GPC5: variants seen among roughly 807,000 people sequenced by gnomAD.
GPC5 encodes the protein glypican 5, also known as glypican-5.
A neutral mutation model predicts 53.9 loss-of-function variants in GPC5; 47 were observed. The observed-to-expected ratio is 0.87, with a 90% CI of 0.69 to 1.11. The LOEUF (loss-of-function observed/expected upper bound fraction) is 1.11, where lower values mean the gene tolerates loss of function less well. GPC5 is among the 50% of genes most tolerant of loss of function. The pLI is 0.00. For missense variants in GPC5, 748 were observed against 713.1 expected (o/e 1.05, Z -0.56); for synonymous variants, 286 against 263.3 (o/e 1.09, Z -0.84).
At chr13:91,860,191 T>C (rs564411291) in intron 5 of GPC5, among the ~76,000 whole-genome samples, 4 of 152,284 alleles carry the variant, frequency 2.6e-5, no homozygotes, top group African/African-American at 9.6e-5. Flanking sequence ...TAATTTTGAA[T>C]CTTTTAAAAA....
chr13:92,530,438 A>G (rs1256726044), intron 7 of GPC5, among the ~76,000 whole-genome samples: 1 of 152,178 alleles, frequency 6.6e-6, no homozygotes, highest in Non-Finnish European at 1.5e-5. Flanking sequence ...GAGGCAAGAA[A>G]AAAGAGAAAA....
At chr13:91,459,182 C>A (rs975219452) in intron 2 of GPC5, among the ~76,000 whole-genome samples, 3 of 151,708 alleles carry the variant, frequency 2.0e-5, no homozygotes. Context: ...AACCAAACTC[C>A]TCCACCTGTA....
At chr13:92,191,080 A>G (rs1298209150) in intron 7 of GPC5, among the ~76,000 whole-genome samples, 1 of 152,144 alleles carries the variant, frequency 6.6e-6, no homozygotes, top group African/African-American at 2.4e-5. Context: ...TTAATTTCAG[A>G]CAGAGTGAGC....
At chr13:91,791,782 C>G (rs532149660) in intron 5 of GPC5, among the ~76,000 whole-genome samples, 56 of 152,274 alleles carry the variant, frequency 3.7e-4, no homozygotes, top group African/African-American at 1.3e-3. Flanking sequence ...TCCAGCATCT[C>G]TCTCTCTAGA....
At chr13:92,466,032 G>T (rs1399191998) in intron 7 of GPC5, among the ~76,000 whole-genome samples, 2 of 151,932 alleles carry the variant, frequency 1.3e-5, no homozygotes, top group Non-Finnish European at 2.9e-5. Context: ...TTTCAAAATT[G>T]CTAGAAGAGG....
intron 7 of GPC5, among the ~76,000 whole-genome samples, chr13:92,509,322 G>C (rs949264160): frequency 6.6e-6 from 1 of 151,916 alleles, no homozygotes; most frequent in African/African-American, 2.4e-5. Flanking sequence ...GACCCTTTAA[G>C]CATCACATAA....
chr13:91,604,403 T>C (rs1263284299), intron 2 of GPC5, among the ~76,000 whole-genome samples: 2,276 of 151,212 alleles, frequency 0.015, 57 homozygotes, highest in African/African-American at 0.053. Context: ...AATAATGCCG[T>C]AATAAACATA....
intron 7 of GPC5, among the ~76,000 whole-genome samples, chr13:92,485,211 A>G (rs964052541): frequency 1.3e-5 from 2 of 152,174 alleles, no homozygotes; most frequent in African/African-American, 4.8e-5. Flanking sequence ...AATTTTTGTA[A>G]TTTGTTTTTA....
chr13:92,358,465 C>A (rs1027299983), intron 7 of GPC5, among the ~76,000 whole-genome samples: 8 of 151,688 alleles, frequency 5.3e-5, no homozygotes, highest in African/African-American at 2.0e-4. Flanking sequence ...TCTAGTAGGC[C>A]GTGCCCCAGT....
At chr13:91,555,253 C>T (rs916838397) in intron 2 of GPC5, among the ~76,000 whole-genome samples, 11 of 151,952 alleles carry the variant, frequency 7.2e-5, no homozygotes, top group Non-Finnish European at 1.5e-4. Context: ...GGACACTATA[C>T]GTATGCAAAA....
At chr13:91,621,055 T>TA (rs2033841276) in intron 2 of GPC5, among the ~76,000 whole-genome samples, 1 of 152,128 alleles carries the variant, frequency 6.6e-6, no homozygotes, top group African/African-American at 2.4e-5. Context: ...GCAACAACTG[T>TA]AAGGGGGTCC....
rs1053527077 is a variant in GPC5, at chr13:92,559,969, G to A, written c.1562-306313G>A. Among the ~76,000 whole-genome samples, 7 of 151,220 alleles carry A rather than the reference G, an allele frequency of 4.6e-5. No homozygotes were observed. In the East Asian group the frequency reaches 6.0e-4, roughly 13 times the overall value. ...AGCATTAATTTCAAAAATGCAAGCA[G>A]AAGAGGCTCTGGATTCATTTGTTTT... On this transcript the variant is annotated intron_variant, in intron 7 of 7. Coordinates refer to ENST00000377067, the MANE Select transcript of GPC5 (RefSeq NM_004466.6).
chr13:92,468,834 G>C (rs971184516), intron 7 of GPC5, among the ~76,000 whole-genome samples: 27 of 152,016 alleles, frequency 1.8e-4, no homozygotes, highest in Non-Finnish European at 1.6e-4. Flanking sequence ...GTGTCATCCT[G>C]TACCCATTCC....
At chr13:91,859,034 CTTTT>C (rs57168055) in intron 5 of GPC5, among the ~76,000 whole-genome samples, 26,476 of 140,650 alleles carry the variant, frequency 0.19, 2,590 homozygotes, top group East Asian at 0.31. Flanking sequence ...TTATTTAGGT[CTTTT>C]TTTTTTTTTT....
chr13:92,398,809 A>G (rs1434149334), intron 7 of GPC5, among the ~76,000 whole-genome samples: 2 of 152,162 alleles, frequency 1.3e-5, no homozygotes, highest in African/African-American at 4.8e-5. Context: ...CCAAAAACTC[A>G]AATATTTTGC....
intron 6 of GPC5, among the ~76,000 whole-genome samples, chr13:91,991,443 T>C (rs2040455463): frequency 6.6e-6 from 1 of 152,238 alleles, no homozygotes; most frequent in South Asian, 2.1e-4. Flanking sequence ...ATGGTAGTTA[T>C]ACATACTTAC....
At chr13:91,629,843 A>G (rs114748422) in intron 2 of GPC5, among the ~76,000 whole-genome samples, 3,947 of 152,204 alleles carry the variant, frequency 0.026, 166 homozygotes, top group African/African-American at 0.089. Flanking sequence ...GACTTTAAAC[A>G]CTGTAATATG....
chr13:91,504,807 A>G (rs1363267774), intron 2 of GPC5, among the ~76,000 whole-genome samples: 2 of 152,014 alleles, frequency 1.3e-5, no homozygotes, highest in Non-Finnish European at 2.9e-5. Context: ...AAAAATAATT[A>G]GCTGGGCATG....
chr13:92,660,340 A>G (rs1886292469), intron 7 of GPC5, among the ~76,000 whole-genome samples: 1 of 152,084 alleles, frequency 6.6e-6, no homozygotes, highest in Admixed American at 6.6e-5. Context: ...ATCACAAATT[A>G]TATATGATTA....
Sources: gnomAD v4.1 joint callset for allele counts (sites outside exome capture counted in the v4.1 genomes callset) on GRCh38, gnomAD v4.1.1 for gene constraint, MANE v1.5 for transcripts, NCBI Gene and HGNC (gene_info 2026-07-23, HGNC 2026-07-21) for gene names.